The following AJAP1 variants were observed in gnomAD, a reference collection of about 807,000 sequenced individuals.
AJAP1 encodes the protein adherens junctions associated protein 1, also known as adherens junction-associated protein 1.
In AJAP1, 5 loss-of-function variants were observed where a neutral mutation model predicts 35.0. That is an observed-to-expected ratio of 0.14 (90% CI 0.07 to 0.30). The LOEUF is 0.30. AJAP1 is among the 10% of genes least tolerant of loss of function. The probability of loss-of-function intolerance (pLI) is 1.00; values close to 1 mark genes in which losing one functional copy is unlikely to be tolerated. For missense variants in AJAP1, 586 were observed against 571.0 expected (o/e 1.03, Z -0.27); for synonymous variants, 284 against 249.3 (o/e 1.14, Z -1.31).
intron 1 of AJAP1, among the ~76,000 whole-genome samples, chr1:4,675,976 G>T (rs1639353338): frequency 6.6e-6 from 1 of 152,242 alleles, no homozygotes; most frequent in Non-Finnish European, 1.5e-5. Flanking sequence ...CAGGGGCTGG[G>T]ACGCCCACGT....
chr1:4,705,395 CTT>C lies in AJAP1; in HGVS notation c.30-6472_30-6471del, dbSNP rs58022692. ...AGCCAAATGGGGAAGTTTTGAAGAG[CTT>C]TTTTTTTTTTTTTTTTTTTTTTTTT... is the stretch of plus-strand genomic sequence containing the variant. On this transcript the variant is annotated intron_variant, in intron 1 of 5. Transcript: ENST00000378191. Among the ~76,000 whole-genome samples, 183 of 23,762 alleles carry C rather than the reference CTT, an allele frequency of 7.7e-3. 1 individual carries two copies. The highest frequency in any genetic ancestry group is 0.026 in the African/African-American group (173 of 6,688). The allele number at this position is 23,762 out of a possible 152,430, so 15.6% of individuals were successfully genotyped here.
At chr1:4,766,854 C>G (rs1055705298) in intron 2 of AJAP1, among the ~76,000 whole-genome samples, 1 of 152,076 alleles carries the variant, frequency 6.6e-6, no homozygotes, top group Non-Finnish European at 1.5e-5. Context: ...TCTTTAGCAT[C>G]AGGCACCCAG....
chr1:4,733,532 TCA>T, intron 2 of AJAP1, among the ~76,000 whole-genome samples: 1 of 150,968 alleles, frequency 6.6e-6, no homozygotes, highest in South Asian at 2.1e-4. Flanking sequence ...ACCCCTGTCC[TCA>T]CATGGCATGC....
chr1:4,736,325 C>T (rs562966537), intron 2 of AJAP1, among the ~76,000 whole-genome samples: 13 of 152,348 alleles, frequency 8.5e-5, no homozygotes, highest in East Asian at 3.9e-4. Context: ...AGGCTGTGAC[C>T]GCCTTCTCCC....
At chr1:4,776,801 G>A (rs1388421116) in intron 5 of AJAP1, among the ~76,000 whole-genome samples, 1 of 152,032 alleles carries the variant, frequency 6.6e-6, no homozygotes, top group Non-Finnish European at 1.5e-5. Context: ...AGGACCACCG[G>A]CATTTACACA....
intron 1 of AJAP1, among the ~76,000 whole-genome samples, chr1:4,702,436 G>T (rs1640009215): frequency 6.6e-6 from 1 of 152,246 alleles, no homozygotes; most frequent in Non-Finnish European, 1.5e-5. Context: ...ATGTTCTGTG[G>T]AAAGGAGGTC....
Position 4,782,836 on chromosome 1 carries a change from T to TC in AJAP1, c.*353dup. ...CCAGCGAAAGGGACGGGAGGAAGCATCCGAAACCTAGGATTCGTCCTACGA... is the reference window on the plus strand; with the variant it reads ...CCAGCGAAAGGGACGGGAGGAAGCATCCCGAAACCTAGGATTCGTCCTACGA... On this transcript the variant is annotated 3_prime_UTR_variant, in exon 6 of 6. Coordinates refer to ENST00000378191, the MANE Select transcript of AJAP1 (RefSeq NM_018836.4). The surrounding 1 kb of genome is among the most constrained non-coding windows in gnomAD (Gnocchi z 5.3). 2.5e-6 allele frequency: 1 copy of TC among 398,604 alleles called. No individual in the cohort carries two copies. The highest frequency in any genetic ancestry group is 2.1e-5 in the African/African-American group (1 of 48,730). The allele number at this position is 398,604 out of a possible 1,614,324, so 24.7% of individuals were successfully genotyped here.
chr1:4,761,528 G>T (rs9426481), intron 2 of AJAP1, among the ~76,000 whole-genome samples: 34,214 of 152,134 alleles, frequency 0.22, 4,265 homozygotes, highest in Middle Eastern at 0.33. Context: ...ATGGCCATTG[G>T]CCATCGGCCA....
At chr1:4,673,597 C>G (rs1207183152) in intron 1 of AJAP1, among the ~76,000 whole-genome samples, 7 of 152,116 alleles carry the variant, frequency 4.6e-5, no homozygotes, top group Non-Finnish European at 1.0e-4. Context: ...CCTTCCTGCA[C>G]TTTGTATTTG....
At chr1:4,769,201 C>G (rs539246590) in intron 2 of AJAP1, among the ~76,000 whole-genome samples, 1 of 152,176 alleles carries the variant, frequency 6.6e-6, no homozygotes, top group East Asian at 1.9e-4. Context: ...GGGAAGCATC[C>G]GCTGCTGGCC....
At chr1:4,680,149 T>A (rs1400447125) in intron 1 of AJAP1, among the ~76,000 whole-genome samples, 1 of 152,160 alleles carries the variant, frequency 6.6e-6, no homozygotes. Context: ...TATCCAGGCC[T>A]TCATCTGATT....
chr1:4,685,274 A>G (rs75143729), intron 1 of AJAP1, among the ~76,000 whole-genome samples: 4,127 of 152,326 alleles, frequency 0.027, 113 homozygotes, highest in East Asian at 0.074. Context: ...ATTCAATCAT[A>G]AAATGGAAGA....
chr1:4,783,483 A>G lies in AJAP1; in HGVS notation c.*998A>G, dbSNP rs1202536553. The G allele has an allele frequency of 9.3e-6, 1 of 107,234 alleles. No homozygotes were observed. 6.6% of individuals were successfully genotyped at this position (107,234 alleles called of 1,614,324 possible). On this transcript the variant is annotated 3_prime_UTR_variant, in exon 6 of 6. Coordinates refer to ENST00000378191, the MANE Select transcript of AJAP1 (RefSeq NM_018836.4). Reference sequence around the variant, plus strand: ...TATATATGTGTGTGTATATATATATATATATATATATATATATATATATAT... The same window carrying G: ...TATATATGTGTGTGTATATATATATGTATATATATATATATATATATATAT...
At chr1:4,728,240 C>G (rs1640714843) in intron 2 of AJAP1, among the ~76,000 whole-genome samples, 1 of 152,188 alleles carries the variant, frequency 6.6e-6, no homozygotes, top group African/African-American at 2.4e-5. Context: ...AGTCTGGAAG[C>G]CAATGAGACA....
Position 4,712,512 on chromosome 1 carries a change from A to G in AJAP1, c.642A>G (p.Thr214=). ...TCTCCATCCTACAAACACGGAAGAC[A>G]ACTGTGGCCGCCACCACCACCACCA... ...TTVSILQTRK[T]TVAATTTTTT... Residue 214 remains threonine, a synonymous_variant, in exon 2 of 6, where the codon ACA becomes ACG. Coordinates refer to ENST00000378191, the MANE Select transcript of AJAP1 (RefSeq NM_018836.4). 1 of 1,612,744 alleles carries G rather than the reference A, an allele frequency of 6.2e-7. No homozygotes were observed. The highest frequency in any genetic ancestry group is 8.5e-7 in the Non-Finnish European group (1 of 1,179,566).
Position 4,782,858 on chromosome 1 carries a change from A to G in AJAP1, c.*373A>G, listed in dbSNP as rs1642092202. ...GCATCCGAAACCTAGGATTCGTCCTACGATTCTGAACCTGTGCCAATAATA... is the reference window on the plus strand; with the variant it reads ...GCATCCGAAACCTAGGATTCGTCCTGCGATTCTGAACCTGTGCCAATAATA... On this transcript the variant is annotated 3_prime_UTR_variant, in exon 6 of 6. Coordinates refer to ENST00000378191, the MANE Select transcript of AJAP1 (RefSeq NM_018836.4). This position sits in a 1 kb window ranked among gnomAD's most constrained non-coding sequence, Gnocchi z 5.3. The G allele has an allele frequency of 2.5e-6, 1 of 398,646 alleles. No homozygotes were observed. The highest frequency in any genetic ancestry group is 4.4e-6 in the Non-Finnish European group (1 of 226,074). 24.7% of individuals were successfully genotyped at this position (398,646 alleles called of 1,614,324 possible). A position where few individuals can be genotyped will look rare whatever the true frequency, so the allele number is the denominator to read the frequency against.
At chr1:4,691,682 CAG>C (rs1491487837) in intron 1 of AJAP1, among the ~76,000 whole-genome samples, 9 of 152,084 alleles carry the variant, frequency 5.9e-5, no homozygotes, top group Non-Finnish European at 1.0e-4. Flanking sequence ...CTCCAGGAGT[CAG>C]GGGGGCTTAG....
intron 1 of AJAP1, among the ~76,000 whole-genome samples, chr1:4,697,023 G>GGT (rs74534688): frequency 9.9e-5 from 15 of 151,830 alleles, no homozygotes; most frequent in Non-Finnish European, 2.1e-4. Flanking sequence ...ACGCACACAT[G>GGT]GTGTGTGTGT....
At chr1:4,710,106 G>A (rs1295459423) in intron 1 of AJAP1, among the ~76,000 whole-genome samples, 3 of 151,958 alleles carry the variant, frequency 2.0e-5, no homozygotes, top group South Asian at 2.1e-4. Flanking sequence ...ACACTCGCAT[G>A]CTCACACAGG....
Sources: gnomAD v4.1 joint callset for allele counts (sites outside exome capture counted in the v4.1 genomes callset) on GRCh38, gnomAD v4.1.1 for gene constraint, Gnocchi (gnomAD v3.1) non-coding constraint, MANE v1.5 for transcripts, NCBI Gene and HGNC (gene_info 2026-07-23, HGNC 2026-07-21) for gene names.